Variants in GLCE observed in about 807,000 individuals in gnomAD.
The protein encoded by GLCE is glucuronic acid epimerase.
In GLCE, 19 loss-of-function variants were observed where a neutral mutation model predicts 47.9. The observed-to-expected ratio is 0.40, with a 90% CI of 0.28 to 0.58. GLCE has a LOEUF of 0.58. Ranked by LOEUF, GLCE falls within the 20% of genes least tolerant of loss-of-function variation. The pLI, the probability that GLCE is intolerant of heterozygous loss-of-function variation, is 0.48. For missense variants in GLCE, 556 were observed against 743.3 expected, an observed-to-expected ratio of 0.75 and a Z score of 2.93; for synonymous variants, 245 against 263.4, an observed-to-expected ratio of 0.93 and a Z score of 0.68.
chr15:69,227,333 A>G (rs1377500501), intron 2 of GLCE, among the ~76,000 whole-genome samples: 2 of 152,170 alleles, frequency 1.3e-5, no homozygotes, highest in African/African-American at 2.4e-5. Context: ...TATTGGAGAG[A>G]GAACATCAGT....
intron 1 of GLCE, among the ~76,000 whole-genome samples, chr15:69,208,619 TC>T (rs1336626070): frequency 6.6e-6 from 1 of 152,102 alleles, no homozygotes; most frequent in African/African-American, 2.4e-5. Context: ...CTTTTGCCTT[TC>T]CATAATAATC....
rs1306950550 is a variant in GLCE at position 69,270,014 on chromosome 15, GTTTCTTT to G, written c.*773_*779del. The G allele has an allele frequency of 2.0e-5, 3 of 152,526 alleles. No homozygotes were observed. Among genetic ancestry groups the G allele is most frequent in the Non-Finnish European group, 4.4e-5 (3 of 68,004 alleles). 9.4% of individuals were successfully genotyped at this position (152,526 alleles called of 1,614,324 possible). On this transcript the variant is annotated 3_prime_UTR_variant, in exon 5 of 5. Coordinates refer to ENST00000261858, the MANE Select transcript of GLCE (RefSeq NM_015554.3). Reference sequence around the variant, plus strand: ...TCCCTTCCCAACCCCCATTGTGACAGTTTCTTTTTGTCACTGTCTAGAATTTTGTATT... The same window carrying G: ...TCCCTTCCCAACCCCCATTGTGACAGTTGTCACTGTCTAGAATTTTGTATT...
chr15:69,257,602 C>T (rs1326668826), intron 3 of GLCE, among the ~76,000 whole-genome samples: 1 of 152,170 alleles, frequency 6.6e-6, no homozygotes, highest in Non-Finnish European at 1.5e-5. Context: ...ACCTTAGCCT[C>T]CCAAAGTGCT....
At chr15:69,228,144 A>G (rs756892208) in intron 2 of GLCE, among the ~76,000 whole-genome samples, 4 of 152,210 alleles carry the variant, frequency 2.6e-5, no homozygotes, top group Non-Finnish European at 5.9e-5. Flanking sequence ...TCTGTCTGAT[A>G]ACATTTTTAT....
intron 1 of GLCE, among the ~76,000 whole-genome samples, chr15:69,209,005 C>A (rs35688974): frequency 1.1e-3 from 161 of 152,072 alleles, no homozygotes; most frequent in Admixed American, 2.6e-3. Context: ...CATTTTTATT[C>A]ATCTGTAGTA....
intron 4 of GLCE, among the ~76,000 whole-genome samples, chr15:69,262,928 A>C (rs2053034712): frequency 1.3e-5 from 2 of 152,194 alleles, no homozygotes; most frequent in Admixed American, 1.3e-4. Flanking sequence ...ATATTTACAT[A>C]TACATAAATA....
chr15:69,236,728 T>C (rs2052598290), intron 2 of GLCE, among the ~76,000 whole-genome samples: 1 of 152,212 alleles, frequency 6.6e-6, no homozygotes, highest in Admixed American at 6.5e-5. Context: ...TAGATAGTAC[T>C]AGTGCTAGTG....
At chr15:69,224,288 G>A (rs1241442645) in intron 2 of GLCE, among the ~76,000 whole-genome samples, 4 of 152,140 alleles carry the variant, frequency 2.6e-5, no homozygotes, top group Non-Finnish European at 5.9e-5. Flanking sequence ...ATCAGCCTAT[G>A]TCAGAGATAG....
At chr15:69,169,508 G>A (rs2051556104) in intron 1 of GLCE, among the ~76,000 whole-genome samples, 1 of 151,752 alleles carries the variant, frequency 6.6e-6, no homozygotes, top group South Asian at 2.1e-4. Context: ...CCTGCAACTC[G>A]TCATTTACAT....
At chr15:69,172,287 T>C (rs1215150444) in intron 1 of GLCE, among the ~76,000 whole-genome samples, 1 of 152,146 alleles carries the variant, frequency 6.6e-6, no homozygotes, top group Non-Finnish European at 1.5e-5. Context: ...TTAAACAGAT[T>C]ATCGAACACA....
chr15:69,171,157 C>A (rs2051582241), intron 1 of GLCE, among the ~76,000 whole-genome samples: 1 of 151,864 alleles, frequency 6.6e-6, no homozygotes, highest in African/African-American at 2.4e-5. Context: ...TTTACTTAAA[C>A]TTTTATTTAC....
chr15:69,190,210 A>G (rs766340327), intron 1 of GLCE, among the ~76,000 whole-genome samples: 4 of 152,122 alleles, frequency 2.6e-5, no homozygotes, highest in African/African-American at 7.2e-5. Flanking sequence ...ATGGCTCAGA[A>G]TATAGTCTGA....
intron 1 of GLCE, among the ~76,000 whole-genome samples, chr15:69,169,218 A>G (rs550805787): frequency 3.3e-5 from 5 of 152,062 alleles, no homozygotes; most frequent in South Asian, 4.2e-4. Context: ...ACGAGTGTCT[A>G]TTTGCGTCTT....
intron 1 of GLCE, among the ~76,000 whole-genome samples, chr15:69,195,409 T>A (rs766815445): frequency 1.8e-4 from 27 of 152,074 alleles, no homozygotes; most frequent in Non-Finnish European, 3.8e-4. Context: ...ACAAGTTACC[T>A]ATGAAAGAAT....
chr15:69,216,018 T>C (rs2052302225), intron 2 of GLCE, among the ~76,000 whole-genome samples: 2 of 152,180 alleles, frequency 1.3e-5, no homozygotes, highest in South Asian at 4.1e-4. Context: ...AAAATACACA[T>C]TTTCATATAT....
chr15:69,256,360 G>A lies in GLCE; in HGVS notation c.554G>A (p.Arg185Gln), dbSNP rs747317685. 1 of 1,612,948 alleles carries A rather than the reference G, an allele frequency of 6.2e-7. No homozygotes were observed. Among genetic ancestry groups the A allele is most frequent in the Non-Finnish European group, 8.5e-7 (1 of 1,179,674 alleles). ...TTTGAAGGCTACAATGTGGAAGTCC[G>A]AGACAGAGTCAAGTGCATAAGTGGG... ...MSFEGYNVEV[R>Q]DRVKCISGVE... The change falls in exon 3 of 5, where the codon CGA becomes CAA. Residue 185 changes from arginine to glutamine, a missense_variant. Arg to Gln is a conservative substitution (Grantham distance 43). Coordinates refer to ENST00000261858, the MANE Select transcript of GLCE (RefSeq NM_015554.3).
intron 1 of GLCE, among the ~76,000 whole-genome samples, chr15:69,161,488 C>G (rs768056621): frequency 5.3e-5 from 8 of 151,776 alleles, no homozygotes; most frequent in African/African-American, 9.7e-5. Context: ...GGTCTCCAGT[C>G]TTTTGGGGGC....
At position 69,269,201 on chromosome 15, in the gene GLCE, G is replaced by T; in HGVS notation, c.1811G>T (p.Arg604Met). The T allele has an allele frequency of 6.2e-7, 1 of 1,614,088 alleles. No individual in the cohort carries two copies. Among genetic ancestry groups the T allele is most frequent in the Non-Finnish European group, 8.5e-7 (1 of 1,179,988 alleles). Residue 604 changes from arginine to methionine, a missense_variant, in exon 5 of 5, where the codon AGG becomes ATG. By Grantham distance (91) the Arg-to-Met change is moderately conservative. Transcript: ENST00000261858. ...ESPVFKEFVK[R>M]WKSYLKGSRA... is the part of the protein sequence containing the mutation. ...CCAGTCTTCAAAGAATTTGTCAAGA[G>T]GTGGAAAAGCTACCTTAAAGGCAGC...
intron 2 of GLCE, among the ~76,000 whole-genome samples, chr15:69,234,072 G>T (rs894161875): frequency 6.6e-6 from 1 of 151,794 alleles, no homozygotes; most frequent in African/African-American, 2.4e-5. Flanking sequence ...CCGCCTCCTG[G>T]GTTCAAGCGA....
Sources: gnomAD v4.1 joint callset for allele counts (sites outside exome capture counted in the v4.1 genomes callset) on GRCh38, gnomAD v4.1.1 for gene constraint, MANE v1.5 for transcripts, NCBI Gene and HGNC (gene_info 2026-07-23, HGNC 2026-07-21) for gene names.